ADAMTS6: variants seen among roughly 807,000 people sequenced by gnomAD.
ADAMTS6 encodes A disintegrin and metalloproteinase with thrombospondin motifs 6.
ADAMTS6 carries 23 observed loss-of-function variants against 144.3 expected under a neutral mutation model. The observed-to-expected ratio is 0.16, with a 90% CI of 0.11 to 0.23. The LOEUF is 0.23. ADAMTS6 is among the 10% of genes least tolerant of loss of function. ADAMTS6 has a pLI of 1.00. For synonymous variants in ADAMTS6, 444 were observed against 457.5 expected (o/e 0.97, Z 0.38); for missense variants, 999 against 1,379.6 (o/e 0.72, Z 4.37).
chr5:65,396,084 A>G (rs1753309615), intron 7 of ADAMTS6, among the ~76,000 whole-genome samples: 1 of 152,232 alleles, frequency 6.6e-6, no homozygotes, highest in African/African-American at 2.4e-5. Context: ...TAATATGCCA[A>G]TAAAGTTTAA....
chr5:65,340,450 C>G (rs1477496701), intron 7 of ADAMTS6, among the ~76,000 whole-genome samples: 1 of 151,878 alleles, frequency 6.6e-6, no homozygotes, highest in Non-Finnish European at 1.5e-5. Flanking sequence ...ACTCACTGGT[C>G]AAGCAAATAC....
chr5:65,202,157 T>TA (rs1580042572), intron 20 of ADAMTS6, among the ~76,000 whole-genome samples: 4 of 152,364 alleles, frequency 2.6e-5, no homozygotes, highest in East Asian at 3.9e-4. Flanking sequence ...TGCTAGTTTT[T>TA]ATCTTTCAAA....
chr5:65,299,805 T>C (rs1743186139), intron 10 of ADAMTS6, among the ~76,000 whole-genome samples, 180 bp downstream of exon 10: 1 of 123,612 alleles, frequency 8.1e-6, no homozygotes, highest in Admixed American at 8.6e-5. Flanking sequence ...ATTCTATAAA[T>C]TCTATATGAA....
At chr5:65,352,249 A>G (rs1748923497) in intron 7 of ADAMTS6, among the ~76,000 whole-genome samples, 1 of 152,228 alleles carries the variant, frequency 6.6e-6, no homozygotes, top group Admixed American at 6.5e-5. Context: ...TAAAATGATT[A>G]AATATATCAG....
intron 7 of ADAMTS6, among the ~76,000 whole-genome samples, chr5:65,404,432 G>A (rs1280088849): frequency 2.0e-5 from 3 of 152,056 alleles, no homozygotes; most frequent in African/African-American, 7.2e-5. Context: ...TGCTGAGAAT[G>A]ATGGTTTCCA....
intron 12 of ADAMTS6, 66 bp from the exon 13 acceptor site, chr5:65,263,028 C>T (rs772641600): frequency 3.9e-5 from 62 of 1,600,428 alleles, no homozygotes; most frequent in Non-Finnish European, 5.0e-5. Context: ...GATAGAAATA[C>T]ATAAGGGTCA....
rs530203545 is a variant in ADAMTS6 at position 65,164,019 on chromosome 5, G to C, written c.3244+6598C>G. Among the ~76,000 whole-genome samples the C allele has an allele frequency of 4.6e-5, 7 of 152,328 alleles. No homozygotes were observed. In the East Asian group the frequency reaches 5.8e-4, roughly 13 times the overall value. On this transcript the variant is annotated intron_variant, in intron 24 of 24. Transcript: ENST00000381055. ...CCCAATGAATAAAAAACAGACAGAG[G>C]GGGAGGAGCCAAGATGGCCGAATAG...
In ADAMTS6 at chr5:65,309,361, G is replaced by A. The variant is rs186919468; in HGVS notation, c.1224-9230C>T. 1.5e-3 allele frequency among the ~76,000 whole-genome samples: 218 copies of A among 149,798 alleles called. 6 individuals carry two copies. The highest frequency in any genetic ancestry group is 0.014 in the Admixed American group (210 of 14,662). On this transcript the variant is annotated intron_variant, in intron 9 of 24. Transcript: ENST00000381055. ...AAAGAGTGGGCAATTAAGAACCCTC[G>A]CATAAGAAGTTCACAAAAGGGCTCT...
chr5:65,273,929 T>C (rs1304218064), intron 11 of ADAMTS6, among the ~76,000 whole-genome samples: 4 of 152,228 alleles, frequency 2.6e-5, no homozygotes, highest in Non-Finnish European at 5.9e-5. Context: ...ATTTAATGTA[T>C]GAATTTTTTA....
intron 18 of ADAMTS6, among the ~76,000 whole-genome samples, chr5:65,220,517 C>T (rs1183192249): frequency 2.0e-5 from 3 of 151,850 alleles, no homozygotes; most frequent in Non-Finnish European, 2.9e-5. Flanking sequence ...GGCCGAAGGG[C>T]GGGTGCATCA....
intron 22 of ADAMTS6, among the ~76,000 whole-genome samples, chr5:65,178,514 G>A (rs373635775): frequency 2.6e-5 from 4 of 152,166 alleles, no homozygotes; most frequent in African/African-American, 4.8e-5. Flanking sequence ...TACCTGAACT[G>A]TCAAAACCCT....
intron 7 of ADAMTS6, among the ~76,000 whole-genome samples, chr5:65,405,174 C>A (rs1754333870): frequency 6.6e-6 from 1 of 152,158 alleles, no homozygotes; most frequent in Non-Finnish European, 1.5e-5. Context: ...TCAATTTTGG[C>A]TTTTGTTGCC....
chr5:65,474,671 C>CA (rs1278156662), intron 1 of ADAMTS6, among the ~76,000 whole-genome samples: 6 of 151,798 alleles, frequency 4.0e-5, no homozygotes, highest in Non-Finnish European at 7.4e-5. Context: ...CAACCTCACT[C>CA]AGAGTCTCCA....
intron 24 of ADAMTS6, among the ~76,000 whole-genome samples, chr5:65,158,416 A>T (rs1752553805): frequency 6.6e-6 from 1 of 152,180 alleles, no homozygotes; most frequent in Non-Finnish European, 1.5e-5. Flanking sequence ...TGGATTGGTT[A>T]CCAGCCCATG....
chr5:65,405,975 GT>G (rs748058119), intron 7 of ADAMTS6, among the ~76,000 whole-genome samples: 1 of 152,184 alleles, frequency 6.6e-6, no homozygotes, highest in Non-Finnish European at 1.5e-5. Context: ...AAGAATGCTT[GT>G]GATTTTTACA....
intron 10 of ADAMTS6, among the ~76,000 whole-genome samples, chr5:65,297,629 G>A (rs567870334): frequency 2.8e-4 from 42 of 152,172 alleles, no homozygotes; most frequent in African/African-American, 9.9e-4. Context: ...AAAATATCAC[G>A]CATAGCTGTT....
chr5:65,239,273 A>AAAC (rs942848307), intron 15 of ADAMTS6, among the ~76,000 whole-genome samples: 1 of 152,090 alleles, frequency 6.6e-6, no homozygotes, highest in African/African-American at 2.4e-5. Context: ...TAAAAAAAAA[A>AAAC]AAAACTGTGT....
chr5:65,449,310 G>C (rs1311845912), intron 7 of ADAMTS6, among the ~76,000 whole-genome samples: 1 of 152,078 alleles, frequency 6.6e-6, no homozygotes, highest in East Asian at 1.9e-4. Context: ...ATCATTAGCA[G>C]ACAAGTTTAA....
intron 7 of ADAMTS6, among the ~76,000 whole-genome samples, chr5:65,425,097 A>G (rs188782764): frequency 3.9e-5 from 6 of 152,278 alleles, no homozygotes; most frequent in African/African-American, 1.4e-4. Flanking sequence ...CCCAGGTTCA[A>G]GCGATTCTCC....
Sources: gnomAD v4.1 joint callset for allele counts (sites outside exome capture counted in the v4.1 genomes callset) on GRCh38, gnomAD v4.1.1 for gene constraint, MANE v1.5 for transcripts, NCBI Gene and HGNC (gene_info 2026-07-23, HGNC 2026-07-21) for gene names.